Variants in UBE2E1 observed in about 807,000 individuals in gnomAD.
UBE2E1 encodes the protein ubiquitin-conjugating enzyme E2 E1.
UBE2E1 carries 6 observed loss-of-function variants against 21.4 expected under a neutral mutation model. That is an observed-to-expected ratio of 0.28 (90% CI 0.15 to 0.55). The LOEUF (loss-of-function observed/expected upper bound fraction) is 0.55, where lower values mean the gene tolerates loss of function less well. UBE2E1 is among the 20% of genes least tolerant of loss of function. The pLI, the probability that UBE2E1 is intolerant of heterozygous loss-of-function variation, is 0.93. For synonymous variants in UBE2E1, 87 were observed against 82.7 expected (o/e 1.05, Z -0.28); for missense variants, 142 against 236.5 (o/e 0.60, Z 2.62).
At chr3:23,855,118 G>A (rs1267656538) in intron 3 of UBE2E1, among the ~76,000 whole-genome samples, 3 of 152,188 alleles carry the variant, frequency 2.0e-5, no homozygotes, top group African/African-American at 7.2e-5. Flanking sequence ...AGTTCATTAT[G>A]TAGTGGTGAA....
At chr3:23,840,230 T>A (rs1700056750) in intron 3 of UBE2E1, among the ~76,000 whole-genome samples, 2 of 152,238 alleles carry the variant, frequency 1.3e-5, no homozygotes, top group African/African-American at 4.8e-5. Context: ...AACAAGCGTT[T>A]ACTGTCTTTT....
chr3:23,811,630 ATCACGTAAC>A, intron 3 of UBE2E1, 120 bp downstream of exon 3: 1 of 884,436 alleles, frequency 1.1e-6, no homozygotes, highest in Non-Finnish European at 1.8e-6. Flanking sequence ...TGGCACTAAC[ATCACGTAAC>A]AGCTGAAATT....
rs1301747498 is a variant in UBE2E1 at position 23,847,739 on chromosome 3, C to T, written c.203+36229C>T. Among the ~76,000 whole-genome samples, 4 of 152,162 alleles carry T rather than the reference C, an allele frequency of 2.6e-5. No homozygotes were observed. In the East Asian group the frequency reaches 5.8e-4, roughly 22 times the overall value. Reference sequence around the variant, plus strand: ...CTCGATCTTCTGACCTCGTGATCCACCCACCTCGGCCTCCCAAAGTGCTGG... The same window carrying T: ...CTCGATCTTCTGACCTCGTGATCCATCCACCTCGGCCTCCCAAAGTGCTGG... On this transcript the variant is annotated intron_variant, in intron 3 of 5. Transcript: ENST00000306627.
intron 3 of UBE2E1, among the ~76,000 whole-genome samples, chr3:23,847,375 G>A (rs1181474154): frequency 6.6e-6 from 1 of 151,816 alleles, no homozygotes; most frequent in East Asian, 1.9e-4. Flanking sequence ...ACATTAGTAT[G>A]ATAACTATGA....
rs55941535 is a variant in UBE2E1 at position 23,842,198 on chromosome 3, G to GGT, written c.203+30738_203+30739dup. The stretch of plus-strand genomic sequence containing the variant: ...TATGTCATGACCCAGTAAGTGAAGG[G>GGT]GTGTGTGTGTGTGTGTGTGTGTGTG... On this transcript the variant is annotated intron_variant, in intron 3 of 5. Transcript: ENST00000306627. The surrounding 1 kb of genome is among the most constrained non-coding windows in gnomAD (Gnocchi z 4.6). Among the ~76,000 whole-genome samples the GGT allele has an allele frequency of 0.027, 2,811 of 103,950 alleles. 56 individuals are homozygous for GGT. Among genetic ancestry groups the GGT allele is most frequent in the Non-Finnish European group, 0.034 (1,699 of 50,608 alleles). 68.2% of individuals were successfully genotyped at this position (103,950 alleles called of 152,430 possible). A position where few individuals can be genotyped will look rare whatever the true frequency, so the allele number is the denominator to read the frequency against.
At chr3:23,817,421 CAA>C (rs369690021) in intron 3 of UBE2E1, among the ~76,000 whole-genome samples, 11 of 42,350 alleles carry the variant, frequency 2.6e-4, no homozygotes, top group African/African-American at 4.6e-4. Context: ...GACTCTGTCT[CAA>C]AAAAAAAAAA....
Position 23,887,500 on chromosome 3 carries a change from C to T in UBE2E1, c.204-67C>T. On this transcript the variant is annotated intron_variant, in intron 3 of 5. Transcript: ENST00000306627. This position sits in a 1 kb window ranked among gnomAD's most constrained non-coding sequence, Gnocchi z 4.4. ...GAGGAGAGAGGTAATCTTTCCATCT[C>T]TTTTAATACACTGTAAAAATTGGGA... is the stretch of plus-strand genomic sequence containing the variant. The T allele has an allele frequency of 6.4e-7, 1 of 1,552,138 alleles. No individual in the cohort carries two copies. Among genetic ancestry groups the T allele is most frequent in the Non-Finnish European group, 8.7e-7 (1 of 1,154,694 alleles).
At chr3:23,864,177 T>C (rs1353221278) in intron 3 of UBE2E1, among the ~76,000 whole-genome samples, 1 of 152,206 alleles carries the variant, frequency 6.6e-6, no homozygotes, top group Non-Finnish European at 1.5e-5. Flanking sequence ...TTTGAAGACA[T>C]TGCTTCAGTG....
chr3:23,811,404 A>G, intron 2 of UBE2E1, 56 bp from the exon 3 acceptor site: 2 of 1,569,738 alleles, frequency 1.3e-6, no homozygotes, highest in Non-Finnish European at 1.8e-6. Context: ...TACAGGTGGG[A>G]GGCTTCCGCG....
rs1179458901 is a variant in UBE2E1 at position 23,889,394 on chromosome 3, A to C, written c.484+135A>C. 4.6e-6 allele frequency: 7 copies of C among 1,509,870 alleles called. 1 individual carries two copies. The Admixed American group carries it at 1.1e-4, about 24-fold the overall frequency. The allele number at this position is 1,509,870 out of a possible 1,614,324, so 93.5% of individuals were successfully genotyped here. On this transcript the variant is annotated intron_variant, in intron 5 of 5. Coordinates refer to ENST00000306627, the MANE Select transcript of UBE2E1 (RefSeq NM_003341.5). ...CAAAAACTAATCGGCTTTTCAAAAG[A>C]AAGTTTTAATCAAGTTCAGTCTACT...
chr3:23,865,609 C>A (rs1026823565), intron 3 of UBE2E1, among the ~76,000 whole-genome samples: 1 of 152,202 alleles, frequency 6.6e-6, no homozygotes, highest in African/African-American at 2.4e-5. Flanking sequence ...CTGCCTCGGA[C>A]TTCCAAAGTG....
intron 3 of UBE2E1, among the ~76,000 whole-genome samples, chr3:23,861,746 G>T (rs1323621802): frequency 6.6e-6 from 1 of 152,214 alleles, no homozygotes; most frequent in Non-Finnish European, 1.5e-5. Flanking sequence ...AGTTTGGCTG[G>T]GGCAGTTGGA....
At chr3:23,889,501 G>T in intron 5 of UBE2E1, 10 of 1,370,246 alleles carry the variant, frequency 7.3e-6, no homozygotes, top group East Asian at 2.8e-5. Context: ...GTTTGCCTTG[G>T]GCTTTTAGTT....
intron 3 of UBE2E1, among the ~76,000 whole-genome samples, chr3:23,811,936 A>C (rs577615947): frequency 6.6e-6 from 1 of 152,226 alleles, no homozygotes; most frequent in African/African-American, 2.4e-5. Context: ...TGGATCTTCA[A>C]ACTTACTCCA....
At chr3:23,849,103 ATATTT>A (rs918714688) in intron 3 of UBE2E1, among the ~76,000 whole-genome samples, 7 of 152,120 alleles carry the variant, frequency 4.6e-5, no homozygotes, top group Admixed American at 2.0e-4. Context: ...TTGCATGGCT[ATATTT>A]TATTTTATTT....
intron 3 of UBE2E1, among the ~76,000 whole-genome samples, chr3:23,840,700 A>G (rs1382554257): frequency 6.6e-6 from 1 of 152,146 alleles, no homozygotes; most frequent in Admixed American, 6.5e-5. Context: ...TTTCCCTGGC[A>G]TTGCGTAGTG....
Position 23,806,397 on chromosome 3 carries a change from G to A in UBE2E1, c.-34+309G>A, listed in dbSNP as rs1438569391. ...ACTGGCCACCGAGGGGCCCGGGAGC[G>A]GGGGTGGGAGGGAGTTGGGGGAGCC... On this transcript the variant is annotated intron_variant, in intron 1 of 5. Coordinates refer to ENST00000306627, the MANE Select transcript of UBE2E1 (RefSeq NM_003341.5). This position sits in a 1 kb window ranked among gnomAD's most constrained non-coding sequence, Gnocchi z 6.5. Among the ~76,000 whole-genome samples, 1 of 151,854 alleles carries A rather than the reference G, an allele frequency of 6.6e-6. No homozygotes were observed. Among genetic ancestry groups the A allele is most frequent in the Admixed American group, 6.5e-5 (1 of 15,288 alleles).
intron 3 of UBE2E1, among the ~76,000 whole-genome samples, chr3:23,858,740 T>C (rs925924590): frequency 2.0e-5 from 3 of 152,238 alleles, no homozygotes; most frequent in Non-Finnish European, 4.4e-5. Flanking sequence ...CCTGCAGCAC[T>C]GAAGCTATTC....
chr3:23,844,675 T>C (rs1700160760), intron 3 of UBE2E1, among the ~76,000 whole-genome samples: 1 of 152,228 alleles, frequency 6.6e-6, no homozygotes, highest in Admixed American at 6.5e-5. Flanking sequence ...AGCATGAGAA[T>C]TCCTGTGTCC....
Sources: allele counts gnomAD v4.1 joint callset (sites outside exome capture counted in the v4.1 genomes callset), GRCh38; gene constraint gnomAD v4.1.1; non-coding constraint Gnocchi (gnomAD v3.1); transcripts MANE v1.5; gene names NCBI Gene and HGNC (gene_info 2026-07-23, HGNC 2026-07-21).